Variants in PARD3 observed in about 807,000 individuals in gnomAD.
PARD3 encodes the protein par-3 family cell polarity regulator.
In PARD3, 75 loss-of-function variants were observed where a neutral mutation model predicts 155.4. That is an observed-to-expected ratio of 0.48 (90% CI 0.40 to 0.58). The LOEUF (loss-of-function observed/expected upper bound fraction) is 0.58, where lower values mean the gene tolerates loss of function less well. Ranked by LOEUF, PARD3 falls within the 20% of genes least tolerant of loss-of-function variation. PARD3 has a pLI of 0.00. For synonymous variants in PARD3, 576 were observed against 610.5 expected (o/e 0.94, Z 0.83); for missense variants, 1,642 against 1,721.7 (o/e 0.95, Z 0.82).
chr10:34,564,285 T>C (rs2085745940), intron 2 of PARD3, among the ~76,000 whole-genome samples: 1 of 152,210 alleles, frequency 6.6e-6, no homozygotes, highest in South Asian at 2.1e-4. Context: ...TACATGAATA[T>C]TGTTTATATA....
intron 21 of PARD3, among the ~76,000 whole-genome samples, chr10:34,272,983 T>A (rs955967804): frequency 6.6e-6 from 1 of 152,214 alleles, no homozygotes; most frequent in Non-Finnish European, 1.5e-5. Flanking sequence ...CAGCCATGAA[T>A]GTAGGGAAAC....
rs554727979 is a variant in PARD3 at position 34,476,340 on chromosome 10, C to T, written c.404-6077G>A. 1.2e-3 allele frequency among the ~76,000 whole-genome samples: 178 copies of T among 152,252 alleles called. 2 individuals carry two copies. The highest frequency in any genetic ancestry group is 9.2e-3 in the Admixed American group (140 of 15,284). On this transcript the variant is annotated intron_variant, in intron 3 of 24. Coordinates refer to ENST00000374788, the MANE Select transcript of PARD3 (RefSeq NM_001184785.2). ...GGGGTAAAGAATACATTTGGTGCCA[C>T]CGTCTTGATTTGTGCCAAGTGATCT...
intron 1 of PARD3, among the ~76,000 whole-genome samples, chr10:34,763,429 C>A (rs1448580142): frequency 1.3e-5 from 2 of 152,168 alleles, no homozygotes; most frequent in Non-Finnish European, 2.9e-5. Context: ...CATCAGCTTG[C>A]CAACCTGTGT....
intron 2 of PARD3, among the ~76,000 whole-genome samples, chr10:34,587,420 C>CT (rs1161484828): frequency 2.6e-5 from 4 of 152,094 alleles, no homozygotes; most frequent in Non-Finnish European, 5.9e-5. Flanking sequence ...GTTTTATAAT[C>CT]TTGTATTATG....
chr10:34,681,770 T>TATATATATATA (rs1564500809), intron 2 of PARD3, among the ~76,000 whole-genome samples: 2 of 14,550 alleles, frequency 1.4e-4, no homozygotes, highest in Admixed American at 1.7e-3. Flanking sequence ...ATATATATAT[T>TATATATATATA]TTTTTTTTTT....
At chr10:34,289,362 G>T (rs1177181459) in intron 20 of PARD3, among the ~76,000 whole-genome samples, 4 of 151,962 alleles carry the variant, frequency 2.6e-5, no homozygotes, top group Non-Finnish European at 5.9e-5. Context: ...GCTAATTTTT[G>T]CATTTTCAGT....
chr10:34,660,775 AT>A, intron 2 of PARD3, among the ~76,000 whole-genome samples: 1 of 152,300 alleles, frequency 6.6e-6, no homozygotes, highest in East Asian at 1.9e-4. Flanking sequence ...TAGGATAGCA[AT>A]TCCTGCACAG....
intron 4 of PARD3, among the ~76,000 whole-genome samples, chr10:34,453,993 T>C (rs191273757): frequency 5.3e-5 from 8 of 152,360 alleles, no homozygotes; most frequent in African/African-American, 1.4e-4. Flanking sequence ...TCCTAATTCA[T>C]GTAAAATCAA....
intron 22 of PARD3, among the ~76,000 whole-genome samples, chr10:34,136,141 A>G (rs1947884047): frequency 6.6e-6 from 1 of 152,176 alleles, no homozygotes; most frequent in Non-Finnish European, 1.5e-5. Context: ...TCTCCAGGCT[A>G]TTTACTTTCA....
At position 34,449,853 on chromosome 10, in the gene PARD3, A is replaced by T. The variant is rs2076964652; in HGVS notation, c.714+464T>A. Among the ~76,000 whole-genome samples the T allele has an allele frequency of 6.6e-5, 10 of 152,234 alleles. No homozygotes were observed. In the South Asian group the frequency reaches 2.1e-3, roughly 32 times the overall value. ...GAAATTTATGAAGGGATAAGTGCCC[A>T]AACATGACAAAATACCGTAATCTAA... is the stretch of plus-strand genomic sequence containing the variant. On this transcript the variant is annotated intron_variant, in intron 5 of 24. Transcript: ENST00000374788.
chr10:34,416,989 T>G (rs983394463), intron 5 of PARD3, among the ~76,000 whole-genome samples: 3 of 152,164 alleles, frequency 2.0e-5, no homozygotes, highest in Admixed American at 2.0e-4. Flanking sequence ...GCAAGGATGA[T>G]AACAGGGGAC....
At chr10:34,687,765 T>C (rs181954356) in intron 2 of PARD3, among the ~76,000 whole-genome samples, 16 of 150,462 alleles carry the variant, frequency 1.1e-4, no homozygotes, top group Admixed American at 8.0e-4. Flanking sequence ...AGGAAGACTT[T>C]CTCCCTGTTG....
chr10:34,174,042 T>C (rs1178905773), intron 22 of PARD3, among the ~76,000 whole-genome samples: 1 of 152,136 alleles, frequency 6.6e-6, no homozygotes, highest in Non-Finnish European at 1.5e-5. Context: ...TGTTACATGG[T>C]TGGTCATGAA....
intron 22 of PARD3, among the ~76,000 whole-genome samples, chr10:34,226,637 A>G (rs1349870318): frequency 2.6e-5 from 4 of 152,244 alleles, no homozygotes; most frequent in Non-Finnish European, 5.9e-5. Context: ...ATGTAAAATG[A>G]TTCAGCCACT....
chr10:34,309,548 C>CA (rs1173904388), intron 20 of PARD3, among the ~76,000 whole-genome samples: 641 of 64,010 alleles, frequency 0.01, 40 homozygotes, highest in Non-Finnish European at 0.014. Flanking sequence ...ACCCTGTCTC[C>CA]AAAAAAAAAA....
At chr10:34,204,393 G>A (rs1316922665) in intron 22 of PARD3, among the ~76,000 whole-genome samples, 9 of 152,126 alleles carry the variant, frequency 5.9e-5, no homozygotes, top group South Asian at 4.2e-4. Flanking sequence ...ATAACCTCAC[G>A]GCGCAGTGTT....
intron 2 of PARD3, among the ~76,000 whole-genome samples, chr10:34,686,483 C>G (rs192512531): frequency 6.6e-6 from 1 of 151,256 alleles, no homozygotes; most frequent in Non-Finnish European, 1.5e-5. Context: ...CGCCTATAAT[C>G]CCAGCACTTT....
chr10:34,733,948 G>GTT (rs11448579), intron 1 of PARD3, among the ~76,000 whole-genome samples: 122 of 144,886 alleles, frequency 8.4e-4, no homozygotes, highest in South Asian at 1.8e-3. Context: ...AATCAAAGCT[G>GTT]TTTTTTTTTT....
At chr10:34,186,591 T>C (rs1442758180) in intron 22 of PARD3, among the ~76,000 whole-genome samples, 1 of 152,106 alleles carries the variant, frequency 6.6e-6, no homozygotes, top group Non-Finnish European at 1.5e-5. Flanking sequence ...TTCCCTCTGA[T>C]GAGCCCAGAG....
Sources: allele counts gnomAD v4.1 joint callset (sites outside exome capture counted in the v4.1 genomes callset), GRCh38; gene constraint gnomAD v4.1.1; transcripts MANE v1.5; gene names NCBI Gene and HGNC (gene_info 2026-07-23, HGNC 2026-07-21).